FGF18: variants seen among roughly 807,000 people sequenced by gnomAD.
FGF18 encodes fibroblast growth factor 18.
FGF18 carries 5 observed loss-of-function variants against 23.0 expected under a neutral mutation model. The ratio of observed to expected loss-of-function variants is 0.22; its 90% CI spans 0.11 to 0.46. The LOEUF is 0.46. Among genes scored for constraint, FGF18 ranks in the 20% least tolerant of loss-of-function variants. FGF18 has a pLI of 0.99. For missense variants in FGF18, 180 were observed against 291.6 expected, an observed-to-expected ratio of 0.62 and a Z score of 2.79; for synonymous variants, 117 against 118.9, an observed-to-expected ratio of 0.98 and a Z score of 0.10.
intron 4 of FGF18, among the ~76,000 whole-genome samples, chr5:171,450,723 GCCGGGGCCGGGGCCACGGA>G (rs1428188585): frequency 6.6e-6 from 1 of 152,060 alleles, no homozygotes; most frequent in Admixed American, 6.5e-5. Context: ...GGGGGTCGGG[GCCGGGGCCGGGGCCACGGA>G]CTGGGGCGCG....
At chr5:171,438,556 T>G (rs1189738874) in intron 3 of FGF18, among the ~76,000 whole-genome samples, 1 of 152,144 alleles carries the variant, frequency 6.6e-6, no homozygotes, top group African/African-American at 2.4e-5. Flanking sequence ...ACCTGGGGAC[T>G]AGGCCTTCTT....
intron 4 of FGF18, among the ~76,000 whole-genome samples, chr5:171,453,223 G>C (rs1030565053): frequency 1.3e-5 from 2 of 152,200 alleles, no homozygotes; most frequent in Non-Finnish European, 2.9e-5. Flanking sequence ...AGAGGCAAGC[G>C]TCAAGCCCGG....
intron 2 of FGF18, among the ~76,000 whole-genome samples, chr5:171,423,466 C>A (rs1319614320): frequency 1.3e-5 from 2 of 152,174 alleles, no homozygotes; most frequent in Non-Finnish European, 1.5e-5. Context: ...TAGGTCCTGG[C>A]CTTCCCCAGA....
At chr5:171,424,360 T>G (rs951355462) in intron 2 of FGF18, among the ~76,000 whole-genome samples, 2 of 152,364 alleles carry the variant, frequency 1.3e-5, no homozygotes, top group South Asian at 2.1e-4. Context: ...AAAAAGATGG[T>G]ACTTGTAGAA....
intron 3 of FGF18, among the ~76,000 whole-genome samples, chr5:171,447,602 A>G (rs1405527306): frequency 1.3e-5 from 2 of 152,184 alleles, no homozygotes; most frequent in African/African-American, 2.4e-5. Context: ...AAAGGTGGGT[A>G]TCGTATTTTA....
chr5:171,424,663 T>A (rs968448885), intron 2 of FGF18, among the ~76,000 whole-genome samples: 4 of 152,020 alleles, frequency 2.6e-5, no homozygotes, highest in South Asian at 4.2e-4. Context: ...TGGATTCTGG[T>A]ATAAGGGGGA....
In FGF18 at chr5:171,436,287, C is replaced by T. The variant is rs776582818; in HGVS notation, c.250+14C>T. Reference sequence around the variant, plus strand: ...GGGACAAGTATGGTATGTGCCAACCCTCTCCTCCTACTCCGTGTACCCGTG... The same window carrying T: ...GGGACAAGTATGGTATGTGCCAACCTTCTCCTCCTACTCCGTGTACCCGTG... On this transcript the variant is annotated intron_variant, in intron 3 of 4. Transcript: ENST00000274625. This position sits in a 1 kb window ranked among gnomAD's most constrained non-coding sequence, Gnocchi z 4.4. 1 of 1,536,180 alleles carries T rather than the reference C, an allele frequency of 6.5e-7. No individual in the cohort carries two copies. The highest frequency in any genetic ancestry group is 1.4e-5 in the African/African-American group (1 of 72,374).
At chr5:171,453,353 C>T (rs575412637) in intron 4 of FGF18, among the ~76,000 whole-genome samples, 1 of 152,342 alleles carries the variant, frequency 6.6e-6, no homozygotes, top group Admixed American at 6.5e-5. Context: ...AAGCCTAGCT[C>T]TTCAGCCCTT....
At chr5:171,452,058 C>T (rs1258866884) in intron 4 of FGF18, among the ~76,000 whole-genome samples, 3 of 152,222 alleles carry the variant, frequency 2.0e-5, no homozygotes, top group Non-Finnish European at 2.9e-5. Flanking sequence ...GCTCCGGGGG[C>T]ACCAAAGAAA....
intron 4 of FGF18, among the ~76,000 whole-genome samples, chr5:171,455,081 G>A (rs1772563054): frequency 6.6e-6 from 1 of 152,184 alleles, no homozygotes; most frequent in Non-Finnish European, 1.5e-5. Context: ...TTCCCATTAG[G>A]TAGGTGAGGA....
intron 2 of FGF18, among the ~76,000 whole-genome samples, chr5:171,430,137 T>C (rs1772155692): frequency 6.6e-6 from 1 of 151,704 alleles, no homozygotes; most frequent in South Asian, 2.1e-4. Flanking sequence ...GGCGGGTGGA[T>C]CATGAGGTCA....
intron 2 of FGF18, among the ~76,000 whole-genome samples, chr5:171,421,839 C>T (rs1382403668): frequency 7.1e-6 from 1 of 140,340 alleles, no homozygotes; most frequent in African/African-American, 2.6e-5. Context: ...TAACTTAAGA[C>T]TGGCTGTTTG....
At chr5:171,441,558 AT>A (rs1192183890) in intron 3 of FGF18, among the ~76,000 whole-genome samples, 3 of 152,126 alleles carry the variant, frequency 2.0e-5, no homozygotes, top group Non-Finnish European at 4.4e-5. Context: ...CTTCTGTACG[AT>A]TGTCTCCTTA....
intron 3 of FGF18, among the ~76,000 whole-genome samples, chr5:171,447,356 T>G (rs1167104350): frequency 1.3e-5 from 2 of 151,934 alleles, no homozygotes; most frequent in African/African-American, 4.8e-5. Flanking sequence ...TGCTGTGATG[T>G]TTGGCCCTGG....
In FGF18 at chr5:171,434,093, G is replaced by A. The variant is rs1389531743; in HGVS notation, c.70-2000G>A. On this transcript the variant is annotated intron_variant, in intron 2 of 4. Coordinates refer to ENST00000274625, the MANE Select transcript of FGF18 (RefSeq NM_003862.3). The surrounding 1 kb of genome is among the most constrained non-coding windows in gnomAD (Gnocchi z 4.6). Reference sequence around the variant, plus strand: ...ATCCTGGGTTTTGAACCCAGGGCCAGCTCCTGACAGCACTGGTGGGGCAGG... The same window carrying A: ...ATCCTGGGTTTTGAACCCAGGGCCAACTCCTGACAGCACTGGTGGGGCAGG... Among the ~76,000 whole-genome samples, 2 of 152,238 alleles carry A rather than the reference G, an allele frequency of 1.3e-5. No homozygotes were observed. Among genetic ancestry groups the A allele is most frequent in the African/African-American group, 4.8e-5 (2 of 41,470 alleles).
rs552628644 is a variant in FGF18, at chr5:171,444,834, T to G, written c.251-4313T>G. Among the ~76,000 whole-genome samples, 8 of 152,310 alleles carry G rather than the reference T, an allele frequency of 5.3e-5. No homozygotes were observed. The East Asian group carries it at 1.2e-3, about 22-fold the overall frequency. On this transcript the variant is annotated intron_variant, in intron 3 of 4. Transcript: ENST00000274625. ...ACCACAAGGCTGTTGATGAGCTTAT[T>G]AAAACTGGCTTACTGGTCGCTCACT... is the stretch of plus-strand genomic sequence containing the variant.
intron 2 of FGF18, among the ~76,000 whole-genome samples, chr5:171,433,435 G>C (rs547430580): frequency 6.6e-4 from 100 of 152,318 alleles, no homozygotes; most frequent in Non-Finnish European, 1.3e-3. Context: ...GCCCTTGGGG[G>C]AGGGGACAGG....
At position 171,425,624 on chromosome 5, in the gene FGF18, G is replaced by A. The variant is rs546449430; in HGVS notation, c.69+5181G>A. Among the ~76,000 whole-genome samples, 42 of 149,320 alleles carry A rather than the reference G, an allele frequency of 2.8e-4. 1 individual carries two copies. Among genetic ancestry groups the A allele is most frequent in the African/African-American group, 8.4e-4 (34 of 40,610 alleles). Reference sequence around the variant, plus strand: ...CGGTTCACTGTAAGCTCTGCCTGCCGGGTTCACGCCATTCTCCTGCTTCAG... The same window carrying A: ...CGGTTCACTGTAAGCTCTGCCTGCCAGGTTCACGCCATTCTCCTGCTTCAG... On this transcript the variant is annotated intron_variant, in intron 2 of 4. Coordinates refer to ENST00000274625, the MANE Select transcript of FGF18 (RefSeq NM_003862.3).
In FGF18 at chr5:171,455,469, G is replaced by T. The variant is rs1439510396; in HGVS notation, c.358-1070G>T. The stretch of plus-strand genomic sequence containing the variant: ...TTTCTGTTGTAAGCGATAGAACACA[G>T]TATCACCTGTTTTAAAGGAAACGAA... On this transcript the variant is annotated intron_variant, in intron 4 of 4. Coordinates refer to ENST00000274625, the MANE Select transcript of FGF18 (RefSeq NM_003862.3). 2.0e-5 allele frequency among the ~76,000 whole-genome samples: 3 copies of T among 152,330 alleles called. No individual in the cohort carries two copies. In the East Asian group the frequency reaches 5.8e-4, roughly 29 times the overall value.
Sources: gnomAD v4.1 joint callset for allele counts (sites outside exome capture counted in the v4.1 genomes callset) on GRCh38, gnomAD v4.1.1 for gene constraint, Gnocchi (gnomAD v3.1) non-coding constraint, MANE v1.5 for transcripts, NCBI Gene and HGNC (gene_info 2026-07-23, HGNC 2026-07-21) for gene names.